The following PRR5 variants were observed in gnomAD, a reference collection of about 807,000 sequenced individuals.
The protein encoded by PRR5 is proline rich 5.
A neutral mutation model predicts 30.6 loss-of-function variants in PRR5; 25 were observed. That is an observed-to-expected ratio of 0.82 (90% CI 0.60 to 1.14). The LOEUF is 1.14. Ranked by LOEUF, PRR5 falls within the 50% of genes most tolerant of loss-of-function variation. The pLI, the probability that PRR5 is intolerant of heterozygous loss-of-function variation, is 0.00. For synonymous variants in PRR5, 286 were observed against 247.1 expected, an observed-to-expected ratio of 1.16 and a Z score of -1.48; for missense variants, 600 against 547.1, an observed-to-expected ratio of 1.10 and a Z score of -0.96.
intron 1 of PRR5, among the ~76,000 whole-genome samples, chr22:44,694,914 T>A (rs1925611553): frequency 6.6e-6 from 1 of 152,074 alleles, no homozygotes; most frequent in Non-Finnish European, 1.5e-5. Flanking sequence ...CTCACACCTG[T>A]AATCCTAGCA....
chr22:44,724,579 T>C (rs561438590), intron 2 of PRR5, among the ~76,000 whole-genome samples: 11 of 152,174 alleles, frequency 7.2e-5, no homozygotes, highest in Non-Finnish European at 1.5e-4. Context: ...CTGGCTGGTG[T>C]GGAATGTGGT....
At position 44,737,453 on chromosome 22, in the gene PRR5, C is replaced by A; in HGVS notation, c.*206C>A. The A allele has an allele frequency of 8.8e-7, 1 of 1,132,680 alleles. No individual in the cohort carries two copies. The highest frequency in any genetic ancestry group is 1.2e-6 in the Non-Finnish European group (1 of 840,248). 70.2% of individuals were successfully genotyped at this position (1,132,680 alleles called of 1,614,324 possible). On this transcript the variant is annotated 3_prime_UTR_variant, in exon 8 of 8. Transcript: ENST00000336985. Reference sequence around the variant, plus strand: ...CTCGGCCCAGGTCTGTTTCAGGCATCTGAGTCGGCGTTTACCCAGGGGCCG... The same window carrying A: ...CTCGGCCCAGGTCTGTTTCAGGCATATGAGTCGGCGTTTACCCAGGGGCCG...
intron 5 of PRR5, 112 bp from the exon 6 acceptor site, chr22:44,732,139 G>A (rs1922114364): frequency 6.6e-7 from 1 of 1,517,884 alleles, no homozygotes; most frequent in Admixed American, 1.8e-5. Flanking sequence ...ACGGGGTGGA[G>A]GGGCCTGAGG....
At chr22:44,704,236 G>T (rs1467282742) in intron 1 of PRR5, among the ~76,000 whole-genome samples, 2 of 152,212 alleles carry the variant, frequency 1.3e-5, no homozygotes, top group African/African-American at 4.8e-5. Flanking sequence ...GATGGCATTT[G>T]GAGGGCTCCA....
intron 1 of PRR5, among the ~76,000 whole-genome samples, chr22:44,694,810 C>T (rs1925601893): frequency 6.6e-6 from 1 of 152,138 alleles, no homozygotes; most frequent in African/African-American, 2.4e-5. Flanking sequence ...GGAACGTGGT[C>T]TTATCTCCCC....
Position 44,702,563 on chromosome 22 carries a change from G to T in PRR5, c.89G>T (p.Arg30Leu), listed in dbSNP as rs1440106661. 4.2e-6 allele frequency: 6 copies of T among 1,431,870 alleles called. No homozygotes were observed. The highest frequency in any genetic ancestry group is 3.0e-5 in the African/African-American group (2 of 66,450). 88.7% of individuals were successfully genotyped at this position (1,431,870 alleles called of 1,614,324 possible). A position where few individuals can be genotyped will look rare whatever the true frequency, so the allele number is the denominator to read the frequency against. The change falls in exon 1 of 8, where the codon CGG becomes CTG. Residue 30 changes from arginine (R) to leucine (L), a missense_variant. By Grantham distance (102) the Arg-to-Leu change is moderately radical (BLOSUM62 -2). Transcript: ENST00000336985. ...KREPAAAADERGTQQRRACAN... is the reference protein window; with the variant it reads ...KREPAAAADELGTQQRRACAN... ...GAGCCGGCCGCCGCCGCGGACGAGC[G>T]GGGCACGCAGCAGCGCCGGGCCTGC...
At chr22:44,729,526 G>A (rs551275832) in intron 4 of PRR5, 3 of 985,546 alleles carry the variant, frequency 3.0e-6, no homozygotes, top group Non-Finnish European at 3.6e-6. Context: ...GCCCAGTGCT[G>A]TTTCATCTCA....
chr22:44,703,071 G>C (rs1242267029), intron 1 of PRR5, among the ~76,000 whole-genome samples: 1 of 152,186 alleles, frequency 6.6e-6, no homozygotes, highest in African/African-American at 2.4e-5. Flanking sequence ...GCTTTCCCTT[G>C]AGAGGCCCCC....
chr22:44,685,496 C>T (rs1021125039), intron 1 of PRR5, among the ~76,000 whole-genome samples: 2 of 152,144 alleles, frequency 1.3e-5, no homozygotes, highest in Admixed American at 6.5e-5. Flanking sequence ...CCCTCAGTTT[C>T]TCCTTAAGGT....
At chr22:44,681,981 C>T (rs9614558) in intron 1 of PRR5, among the ~76,000 whole-genome samples, 11,249 of 152,198 alleles carry the variant, frequency 0.074, 645 homozygotes, top group East Asian at 0.27. Flanking sequence ...AGGGAGGAGC[C>T]GGCAACAGTA....
intron 1 of PRR5, among the ~76,000 whole-genome samples, chr22:44,681,459 G>A (rs1924276397): frequency 1.3e-5 from 2 of 152,092 alleles, no homozygotes; most frequent in South Asian, 4.1e-4. Context: ...ATGATGGTGG[G>A]TGCCTGTAAT....
chr22:44,713,138 G>A (rs954995266), intron 1 of PRR5, among the ~76,000 whole-genome samples: 2 of 152,322 alleles, frequency 1.3e-5, no homozygotes, highest in East Asian at 3.9e-4. Context: ...GGAGGAGCCT[G>A]GATGCTGCCT....
Position 44,729,357 on chromosome 22 carries a change from C to A in PRR5, c.323-2373C>A, listed in dbSNP as rs377533373. 1.3e-5 allele frequency: 13 copies of A among 985,114 alleles called. No homozygotes were observed. In the African/African-American group the frequency reaches 2.1e-4, roughly 16 times the overall value. 61.0% of individuals were successfully genotyped at this position (985,114 alleles called of 1,614,324 possible). Reference sequence around the variant, plus strand: ...AGCACTCGGATAAAGAAAGGAAAGACGGACACCAGCCTGCGCCCACAGCGA... The same window carrying A: ...AGCACTCGGATAAAGAAAGGAAAGAAGGACACCAGCCTGCGCCCACAGCGA... On this transcript the variant is annotated intron_variant, in intron 4 of 7. Coordinates refer to ENST00000336985, the MANE Select transcript of PRR5 (RefSeq NM_181333.4).
chr22:44,731,880 T>C (rs1377189947), intron 5 of PRR5, 59 bp downstream of exon 5: 75 of 1,542,492 alleles, frequency 4.9e-5, no homozygotes, highest in Non-Finnish European at 6.3e-5. Context: ...CACCCTGGCC[T>C]CACTCTACAG....
intron 1 of PRR5, among the ~76,000 whole-genome samples, chr22:44,680,111 A>C (rs1924139880): frequency 6.6e-6 from 1 of 152,074 alleles, no homozygotes; most frequent in Non-Finnish European, 1.5e-5. Context: ...CACTCAACAA[A>C]CGTTTCTCAG....
At position 44,687,243 on chromosome 22, in the gene PRR5, G is replaced by T. The variant is rs538200275; in HGVS notation, c.-11+10003G>T. Among the ~76,000 whole-genome samples the T allele has an allele frequency of 2.0e-4, 30 of 152,292 alleles. No individual in the cohort carries two copies. The South Asian group carries it at 5.8e-3, about 29-fold the overall frequency. ...TGTGTTTGATCAAATCCGGGTAATC[G>T]GGAAACCCATCGCTTCAAACATCTA... is the stretch of plus-strand genomic sequence containing the variant. On this transcript the variant is annotated intron_variant, in intron 1 of 8. Coordinates refer to the PRR5 transcript ENST00000006251.
intron 7 of PRR5, 69 bp from the exon 8 acceptor site, chr22:44,736,703 G>A (rs1923323511): frequency 6.6e-7 from 1 of 1,506,964 alleles, no homozygotes; most frequent in Admixed American, 2.2e-5. Context: ...TGTGCAGTGA[G>A]CAGCAGGTGC....
intron 5 of PRR5, 122 bp downstream of exon 5, chr22:44,731,943 C>A: frequency 9.3e-7 from 1 of 1,077,324 alleles, no homozygotes; most frequent in Non-Finnish European, 1.3e-6. Context: ...CTGTGCTGCT[C>A]TCCTTGGGCT....
At position 44,726,595 on chromosome 22, in the gene PRR5, G is replaced by A. The variant is rs149128938; in HGVS notation, c.283G>A (p.Gly95Ser). The A allele has an allele frequency of 1.6e-4, 259 of 1,614,132 alleles. No individual in the cohort carries two copies. The highest frequency in any genetic ancestry group is 2.1e-4 in the Non-Finnish European group (244 of 1,180,036). The part of the protein sequence containing the change: ...EYLQNQLLTK[G>S]MVILRDKIRF... ...CCTTCAGAACCAGCTGCTGACAAAA[G>A]GCATGGTGATCCTTCGGGACAAGAT... Residue 95 changes from glycine to serine, a missense_variant, in exon 4 of 8, where the codon GGC (glycine) becomes AGC (serine). Gly to Ser is a moderately conservative substitution (Grantham distance 56, BLOSUM62 0). Coordinates refer to ENST00000336985, the MANE Select transcript of PRR5 (RefSeq NM_181333.4).
Sources: gnomAD v4.1 joint callset for allele counts (sites outside exome capture counted in the v4.1 genomes callset) on GRCh38, gnomAD v4.1.1 for gene constraint, MANE v1.5 for transcripts, NCBI Gene and HGNC (gene_info 2026-07-23, HGNC 2026-07-21) for gene names.